The following SAE1 variants were observed in gnomAD, a reference collection of about 807,000 sequenced individuals.
SAE1 encodes SUMO-activating enzyme subunit 1.
A neutral mutation model predicts 40.6 loss-of-function variants in SAE1; 11 were observed. The observed-to-expected ratio is 0.27, with a 90% CI of 0.17 to 0.45. The LOEUF is 0.45. Among genes scored for constraint, SAE1 ranks in the 20% least tolerant of loss-of-function variants. The pLI, the probability that SAE1 is intolerant of heterozygous loss-of-function variation, is 1.00. For synonymous variants in SAE1, 155 were observed against 154.3 expected, an observed-to-expected ratio of 1.00 and a Z score of -0.03; for missense variants, 373 against 427.3, an observed-to-expected ratio of 0.87 and a Z score of 1.12.
intron 7 of SAE1, among the ~76,000 whole-genome samples, chr19:47,197,797 G>C (rs768121991): frequency 6.6e-6 from 1 of 152,194 alleles, no homozygotes; most frequent in Non-Finnish European, 1.5e-5. Flanking sequence ...GTTGTGTTCA[G>C]GCTTTTCTAA....
intron 5 of SAE1, 54 bp from the exon 6 acceptor site, chr19:47,169,764 G>A: frequency 8.4e-7 from 1 of 1,189,216 alleles, no homozygotes. Flanking sequence ...CAACTGCCTT[G>A]TGATTGGAAG....
At chr19:47,195,897 A>ATT (rs781205345) in intron 6 of SAE1, among the ~76,000 whole-genome samples, 4 of 135,510 alleles carry the variant, frequency 3.0e-5, no homozygotes, top group Admixed American at 7.5e-5. Flanking sequence ...ACTTGGCTAA[A>ATT]TTTTTTTTTT....
At chr19:47,179,926 G>C (rs140623969) in intron 6 of SAE1, among the ~76,000 whole-genome samples, 228 of 152,254 alleles carry the variant, frequency 1.5e-3, no homozygotes, top group African/African-American at 5.3e-3. Context: ...CTAAGATTGA[G>C]CAGATAGGTA....
chr19:47,181,590 T>C (rs2058506704), intron 6 of SAE1, among the ~76,000 whole-genome samples: 1 of 146,148 alleles, frequency 6.8e-6, no homozygotes, highest in African/African-American at 2.5e-5. Context: ...GCCATTCTCC[T>C]GCCTCCCCCT....
chr19:47,193,330 G>A (rs1049458153), intron 6 of SAE1, among the ~76,000 whole-genome samples: 2 of 151,956 alleles, frequency 1.3e-5, no homozygotes, highest in African/African-American at 4.8e-5. Flanking sequence ...GAAAGTGCTG[G>A]GATTACAGGC....
rs1358981312 is a variant in SAE1, at chr19:47,210,595, A to G, written c.*1344A>G. 1 of 152,098 alleles carries G rather than the reference A, an allele frequency of 6.6e-6. No homozygotes were observed. The highest frequency in any genetic ancestry group is 1.5e-5 in the Non-Finnish European group (1 of 68,030). The allele number at this position is 152,098 out of a possible 1,614,324, so 9.4% of individuals were successfully genotyped here. A position where few individuals can be genotyped will look rare whatever the true frequency, so the allele number is the denominator to read the frequency against. Reference sequence around the variant, plus strand: ...TTGCTTGTGTTTCTTCTTTATGTAAATTGTGTGATGTTTCAATAAATCAGT... The same window carrying G: ...TTGCTTGTGTTTCTTCTTTATGTAAGTTGTGTGATGTTTCAATAAATCAGT... On this transcript the variant is annotated 3_prime_UTR_variant, in exon 9 of 9. Coordinates refer to ENST00000270225, the MANE Select transcript of SAE1 (RefSeq NM_005500.3).
At position 47,150,301 on chromosome 19, in the gene SAE1, C is replaced by A; in HGVS notation, c.310C>A (p.Pro104Thr). 6.2e-7 allele frequency: 1 copy of A among 1,613,710 alleles called. No individual in the cohort carries two copies. The highest frequency in any genetic ancestry group is 1.1e-5 in the South Asian group (1 of 91,046). Residue 104 changes from proline to threonine, a missense_variant, in exon 3 of 9, where the codon CCC becomes ACC. By Grantham distance (38) the Pro-to-Thr change is conservative. This residue lies in a region of SAE1 where 351 missense variants were observed against 390.6 expected (regional missense o/e 0.90). Transcript: ENST00000270225. Reference sequence around the variant, plus strand: ...TTTGGAGCGAGCTCAGAATCTCAACCCCATGGTGGATGTGAAGGTGGACAC... The same window carrying A: ...TTTGGAGCGAGCTCAGAATCTCAACACCATGGTGGATGTGAAGGTGGACAC... ...ASLERAQNLN[P>T]MVDVKVDTED...
At chr19:47,169,250 T>A (rs1600180096) in intron 5 of SAE1, among the ~76,000 whole-genome samples, 1 of 152,154 alleles carries the variant, frequency 6.6e-6, no homozygotes, top group Admixed American at 6.5e-5. Context: ...TTTTTAGTTT[T>A]GTTTTGGTTT....
In SAE1 at chr19:47,169,804, C is replaced by T. The variant is rs752645046; in HGVS notation, c.628-14C>T. The T allele has an allele frequency of 1.9e-6, 3 of 1,584,328 alleles. No homozygotes were observed. The highest frequency in any genetic ancestry group is 2.6e-6 in the Non-Finnish European group (3 of 1,153,198). ...CATATGTTATTCCTAAGCAGTTCTG[C>T]CTTTTTTCCACAGAAGGTGGTCTTC... On this transcript the variant is annotated splice_polypyrimidine_tract_variant and intron_variant, in intron 5 of 8. Transcript: ENST00000270225.
rs573100916 is a variant in SAE1 at position 47,192,223 on chromosome 19, C to T, written c.734-5010C>T. Among the ~76,000 whole-genome samples the T allele has an allele frequency of 2.0e-5, 3 of 152,106 alleles. No individual in the cohort carries two copies. In the East Asian group the frequency reaches 5.8e-4, roughly 30 times the overall value. ...TGGTGAGCGGGTAATTATTATCACC[C>T]TTCCTACTGGTTTGTTGTTGTTGTT... is the stretch of plus-strand genomic sequence containing the variant. On this transcript the variant is annotated intron_variant, in intron 6 of 8. Coordinates refer to ENST00000270225, the MANE Select transcript of SAE1 (RefSeq NM_005500.3).
intron 2 of SAE1, among the ~76,000 whole-genome samples, chr19:47,145,390 G>A (rs570817593): frequency 2.6e-5 from 4 of 151,970 alleles, no homozygotes; most frequent in Admixed American, 6.6e-5. Context: ...CAGGTGATCC[G>A]CTGGCCTCGG....
intron 1 of SAE1, among the ~76,000 whole-genome samples, chr19:47,133,150 A>G (rs771209124): frequency 2.6e-5 from 4 of 152,184 alleles, no homozygotes; most frequent in African/African-American, 7.2e-5. Flanking sequence ...TGATTTGAGG[A>G]GTAGCTTTTA....
intron 3 of SAE1, among the ~76,000 whole-genome samples, chr19:47,151,610 C>T (rs925299664): frequency 6.6e-6 from 1 of 152,138 alleles, no homozygotes; most frequent in Non-Finnish European, 1.5e-5. Flanking sequence ...TTACACTTTT[C>T]TATTTCATAT....
At chr19:47,183,422 G>A (rs996292458) in intron 6 of SAE1, among the ~76,000 whole-genome samples, 2 of 151,952 alleles carry the variant, frequency 1.3e-5, no homozygotes, top group Non-Finnish European at 2.9e-5. Flanking sequence ...TTTAAGCATC[G>A]CCCAACAAAG....
Position 47,152,936 on chromosome 19 carries a change from A to G in SAE1, c.423A>G (p.Lys141=). The G allele has an allele frequency of 6.2e-7, 1 of 1,612,418 alleles. No individual in the cohort carries two copies. The highest frequency in any genetic ancestry group is 8.5e-7 in the Non-Finnish European group (1 of 1,179,960). ...LTCCSRDVIV[K]VDQICHKNSI... is the part of the protein sequence containing the mutation. ...GCTGCTCCAGGGATGTCATAGTTAA[A>G]GTTGACCAGATCTGTCACAAAAATA... Residue 141 remains lysine (K), a synonymous_variant, in exon 4 of 9, where the codon AAA becomes AAG. Transcript: ENST00000270225.
At chr19:47,158,335 AG>A (rs1404679366) in intron 5 of SAE1, among the ~76,000 whole-genome samples, 13 of 152,354 alleles carry the variant, frequency 8.5e-5, no homozygotes, top group Middle Eastern at 3.4e-3. Flanking sequence ...ATAAGGGCTT[AG>A]GAAAATGCCT....
chr19:47,208,056 C>T (rs1426049018), intron 8 of SAE1, among the ~76,000 whole-genome samples: 1 of 152,128 alleles, frequency 6.6e-6, no homozygotes, highest in Non-Finnish European at 1.5e-5. Flanking sequence ...GGAAGCCTAG[C>T]GACTCTATGT....
chr19:47,174,281 CTTTTCTTTTTTCT>C (rs1417418490), intron 6 of SAE1, among the ~76,000 whole-genome samples: 1 of 146,614 alleles, frequency 6.8e-6, no homozygotes, highest in Non-Finnish European at 1.5e-5. Context: ...CAGTAAATTT[CTTTTCTTTTTTCT>C]TTTTCTTTTT....
chr19:47,178,551 G>A (rs1358445876), intron 6 of SAE1, among the ~76,000 whole-genome samples: 1 of 152,164 alleles, frequency 6.6e-6, no homozygotes, highest in Non-Finnish European at 1.5e-5. Context: ...TCAGCTCATT[G>A]CAACCTCCGC....
Sources: allele counts gnomAD v4.1 joint callset (sites outside exome capture counted in the v4.1 genomes callset), GRCh38; gene constraint gnomAD v4.1.1; regional missense constraint gnomAD v4.1.1; transcripts MANE v1.5; gene names NCBI Gene and HGNC (gene_info 2026-07-23, HGNC 2026-07-21).